The following MACROD2 variants were observed in gnomAD, a reference collection of about 807,000 sequenced individuals.
The protein encoded by MACROD2 is mono-ADP ribosylhydrolase 2.
Under a neutral mutation model 70.4 loss-of-function variants are expected in MACROD2, and 36 were observed. The observed-to-expected ratio is 0.51, with a 90% CI of 0.39 to 0.68. The LOEUF is 0.68. Ranked by LOEUF, MACROD2 falls within the 30% of genes least tolerant of loss-of-function variation. MACROD2 has a pLI of 0.00. For missense variants in MACROD2, 496 were observed against 538.4 expected (o/e 0.92, Z 0.78); for synonymous variants, 172 against 178.8 (o/e 0.96, Z 0.30).
At chr20:15,996,302 T>C (rs1227842069) in intron 15 of MACROD2, among the ~76,000 whole-genome samples, 1 of 152,164 alleles carries the variant, frequency 6.6e-6, no homozygotes, top group Admixed American at 6.5e-5. Context: ...CATTTATAAG[T>C]CTTCTTTGGA....
chr20:14,126,318 A>G (rs1464060684), intron 3 of MACROD2, among the ~76,000 whole-genome samples: 1 of 152,130 alleles, frequency 6.6e-6, no homozygotes, highest in Non-Finnish European at 1.5e-5. Flanking sequence ...TTATAAGGAC[A>G]TCAGTCAAAT....
At chr20:15,366,018 T>G (rs1359611368) in intron 6 of MACROD2, among the ~76,000 whole-genome samples, 3 of 152,182 alleles carry the variant, frequency 2.0e-5, no homozygotes, top group African/African-American at 7.2e-5. Flanking sequence ...AGGGAACTAC[T>G]CAAGTAATAG....
intron 15 of MACROD2, among the ~76,000 whole-genome samples, chr20:16,026,289 G>A (rs2067079729): frequency 1.3e-5 from 2 of 152,192 alleles, no homozygotes; most frequent in Admixed American, 1.3e-4. Context: ...CAGGAGGGGA[G>A]AGCCTCAGTA....
At chr20:15,710,098 A>T (rs1409394720) in intron 8 of MACROD2, among the ~76,000 whole-genome samples, 4 of 151,984 alleles carry the variant, frequency 2.6e-5, no homozygotes, top group Non-Finnish European at 4.4e-5. Context: ...GAAATATATT[A>T]AAAATGTTCA....
At chr20:15,286,483 G>A (rs571164877) in intron 6 of MACROD2, among the ~76,000 whole-genome samples, 1 of 146,590 alleles carries the variant, frequency 6.8e-6, no homozygotes, top group Non-Finnish European at 1.5e-5. Flanking sequence ...CAAAGACAGA[G>A]AGCCTGCCCT....
chr20:14,776,364 G>C (rs1051582657), intron 5 of MACROD2, among the ~76,000 whole-genome samples: 1 of 151,992 alleles, frequency 6.6e-6, no homozygotes, highest in Admixed American at 6.6e-5. Flanking sequence ...CTTGCAAAAT[G>C]AAAGTTATAT....
intron 5 of MACROD2, among the ~76,000 whole-genome samples, chr20:15,045,719 GTTTTTTTTT>G (rs71335981): frequency 1.5e-4 from 11 of 73,404 alleles, no homozygotes; most frequent in African/African-American, 5.3e-4. Flanking sequence ...CCAGACCAGG[GTTTTTTTTT>G]TTTTTTTTTT....
At chr20:15,758,654 C>G (rs921062045) in intron 8 of MACROD2, among the ~76,000 whole-genome samples, 2 of 151,896 alleles carry the variant, frequency 1.3e-5, no homozygotes, top group African/African-American at 2.4e-5. Flanking sequence ...ATCCTTCTTC[C>G]TCAGCCTCCT....
rs13042204 is a variant in MACROD2, at chr20:14,059,766, C to T, written c.164-25855C>T. On this transcript the variant is annotated intron_variant, in intron 2 of 17. Coordinates refer to ENST00000684519, the MANE Select transcript of MACROD2 (RefSeq NM_001351661.2). ...TTGCTTTCAAAGTATTTACATTTTA[C>T]GCAGAACAGATAAATAGATGAGCAA... Among the ~76,000 whole-genome samples, 736 of 152,140 alleles carry T rather than the reference C, an allele frequency of 4.8e-3. 1 individual carries two copies. Among genetic ancestry groups the T allele is most frequent in the Non-Finnish European group, 6.3e-3 (431 of 68,018 alleles).
chr20:14,115,639 A>G (rs897586443), intron 3 of MACROD2, among the ~76,000 whole-genome samples: 7 of 152,180 alleles, frequency 4.6e-5, no homozygotes, highest in African/African-American at 1.7e-4. Context: ...AGTATCATTG[A>G]AAAAACAGTG....
intron 6 of MACROD2, among the ~76,000 whole-genome samples, chr20:15,258,053 A>AT (rs1568673430): frequency 6.7e-6 from 1 of 150,110 alleles, no homozygotes; most frequent in Non-Finnish European, 1.5e-5. Flanking sequence ...TTAAAAAAAA[A>AT]GGTAAAAATA....
At chr20:16,020,190 T>C (rs1205691978) in intron 15 of MACROD2, among the ~76,000 whole-genome samples, 1 of 152,104 alleles carries the variant, frequency 6.6e-6, no homozygotes, top group Non-Finnish European at 1.5e-5. Context: ...TGGTTTGCCA[T>C]CCCACCCTGA....
At chr20:14,767,488 C>G (rs935662089) in intron 5 of MACROD2, among the ~76,000 whole-genome samples, 2 of 151,796 alleles carry the variant, frequency 1.3e-5, no homozygotes, top group African/African-American at 2.4e-5. Context: ...TGTCAGTTTG[C>G]CTGAAGACAA....
chr20:14,818,215 G>A (rs1237597082), intron 5 of MACROD2, among the ~76,000 whole-genome samples: 1 of 152,074 alleles, frequency 6.6e-6, no homozygotes. Context: ...CATCATTGAG[G>A]TCCGCACAGT....
intron 3 of MACROD2, among the ~76,000 whole-genome samples, chr20:14,181,056 T>C (rs1466677990): frequency 1.3e-5 from 2 of 151,752 alleles, no homozygotes; most frequent in Non-Finnish European, 2.9e-5. Context: ...AAGGTTGTTA[T>C]TCTGTCATTA....
At chr20:15,120,957 C>A (rs1036551512) in intron 5 of MACROD2, among the ~76,000 whole-genome samples, 1 of 152,162 alleles carries the variant, frequency 6.6e-6, no homozygotes, top group Non-Finnish European at 1.5e-5. Flanking sequence ...TATCCAGAAG[C>A]GCTGTCGGAA....
chr20:15,428,909 TTC>T (rs1250850835), intron 6 of MACROD2, among the ~76,000 whole-genome samples: 1 of 152,136 alleles, frequency 6.6e-6, no homozygotes, highest in African/African-American at 2.4e-5. Context: ...CATTTTTTTT[TTC>T]TCTCCAGACA....
At chr20:14,607,697 C>G (rs529797612) in intron 4 of MACROD2, among the ~76,000 whole-genome samples, 194 of 152,264 alleles carry the variant, frequency 1.3e-3, no homozygotes, top group Admixed American at 2.6e-3. Flanking sequence ...TGTTATAACG[C>G]TACATGACGG....
intron 8 of MACROD2, among the ~76,000 whole-genome samples, chr20:15,712,302 T>A (rs1213758942): frequency 6.6e-6 from 1 of 152,318 alleles, no homozygotes; most frequent in South Asian, 2.1e-4. Flanking sequence ...AAAACTTTAT[T>A]CACAAAAACA....
Sources: allele counts gnomAD v4.1 joint callset (sites outside exome capture counted in the v4.1 genomes callset), GRCh38; gene constraint gnomAD v4.1.1; transcripts MANE v1.5; gene names NCBI Gene and HGNC (gene_info 2026-07-23, HGNC 2026-07-21).